The following DYNC1I1 variants were observed in gnomAD, a reference collection of about 807,000 sequenced individuals.
The protein encoded by DYNC1I1 is dynein cytoplasmic 1 intermediate chain 1, also known as cytoplasmic dynein 1 intermediate chain 1.
A neutral mutation model predicts 86.6 loss-of-function variants in DYNC1I1; 43 were observed. The observed-to-expected ratio is 0.50, with a 90% CI of 0.39 to 0.64. The LOEUF is 0.64. Among genes scored for constraint, DYNC1I1 ranks in the 30% least tolerant of loss-of-function variants. The pLI, the probability that DYNC1I1 is intolerant of heterozygous loss-of-function variation, is 0.00. For missense variants in DYNC1I1, 604 were observed against 788.8 expected, an observed-to-expected ratio of 0.77 and a Z score of 2.81; for synonymous variants, 262 against 283.7, an observed-to-expected ratio of 0.92 and a Z score of 0.77.
intron 1 of DYNC1I1, among the ~76,000 whole-genome samples, chr7:95,785,237 C>A (rs181306565): frequency 1.2e-4 from 18 of 152,140 alleles, no homozygotes; most frequent in Admixed American, 5.9e-4. Context: ...CATGGTAAAA[C>A]CCCGTCTCTA....
At chr7:95,928,263 C>G (rs1303455044) in intron 6 of DYNC1I1, among the ~76,000 whole-genome samples, 1 of 152,166 alleles carries the variant, frequency 6.6e-6, no homozygotes, top group Non-Finnish European at 1.5e-5. Context: ...AGGCCAAGTC[C>G]TCATTTCTGG....
chr7:95,777,787 G>A (rs1008804922), intron 1 of DYNC1I1, among the ~76,000 whole-genome samples: 1 of 152,128 alleles, frequency 6.6e-6, no homozygotes, highest in African/African-American at 2.4e-5. Flanking sequence ...CAACAGACCT[G>A]CCTGGTAACC....
intron 6 of DYNC1I1, among the ~76,000 whole-genome samples, chr7:95,880,543 G>C (rs1790426102): frequency 6.6e-6 from 1 of 151,980 alleles, no homozygotes; most frequent in African/African-American, 2.4e-5. Flanking sequence ...ATGCCTGTCA[G>C]GTCCAGCCTT....
At chr7:96,045,377 G>A (rs1158508659) in intron 14 of DYNC1I1, among the ~76,000 whole-genome samples, 1 of 152,164 alleles carries the variant, frequency 6.6e-6, no homozygotes, top group Non-Finnish European at 1.5e-5. Flanking sequence ...AGGTCAAGGT[G>A]CTGGTGTGTT....
chr7:95,787,406 G>A (rs868575106), intron 1 of DYNC1I1, among the ~76,000 whole-genome samples: 1 of 152,158 alleles, frequency 6.6e-6, no homozygotes, highest in African/African-American at 2.4e-5. Context: ...CAAAAGGACT[G>A]GGAAGGGAGG....
intron 15 of DYNC1I1, among the ~76,000 whole-genome samples, chr7:96,077,239 T>TGTGTGTG (rs1790368032): frequency 6.9e-6 from 1 of 144,434 alleles, no homozygotes; most frequent in East Asian, 2.0e-4. Flanking sequence ...TCCCTAGTAT[T>TGTGTGTG]TGTGTGTGTG....
At chr7:95,828,544 G>T (rs1396216320) in intron 5 of DYNC1I1, among the ~76,000 whole-genome samples, 1 of 151,802 alleles carries the variant, frequency 6.6e-6, no homozygotes, top group African/African-American at 2.4e-5. Context: ...TTTCTTTTCA[G>T]TTTTTGGGGA....
chr7:95,874,556 A>G (rs1562929945), intron 6 of DYNC1I1, among the ~76,000 whole-genome samples: 1 of 152,194 alleles, frequency 6.6e-6, no homozygotes, highest in Non-Finnish European at 1.5e-5. Context: ...TAATACGACT[A>G]TGTTTGTAAA....
intron 9 of DYNC1I1, among the ~76,000 whole-genome samples, chr7:95,993,202 A>G (rs999475599): frequency 6.6e-6 from 1 of 152,234 alleles, no homozygotes; most frequent in African/African-American, 2.4e-5. Context: ...TGAAATCCCA[A>G]AAACTTGCGT....
intron 14 of DYNC1I1, among the ~76,000 whole-genome samples, chr7:96,049,972 G>A (rs2116099278): frequency 6.6e-6 from 1 of 151,408 alleles, no homozygotes; most frequent in East Asian, 1.9e-4. Context: ...GGCACAGGTT[G>A]CAGTGAGCCG....
chr7:95,862,565 G>T (rs537731530), intron 5 of DYNC1I1, among the ~76,000 whole-genome samples: 11 of 152,306 alleles, frequency 7.2e-5, no homozygotes, highest in African/African-American at 2.2e-4. Flanking sequence ...AGTTGAGGAG[G>T]TTGTAAAGCA....
rs150279406 is a variant in DYNC1I1 at position 95,958,133 on chromosome 7, A to G, written c.491-19379A>G. Among the ~76,000 whole-genome samples the G allele has an allele frequency of 2.8e-3, 421 of 152,360 alleles. 2 individuals carry two copies. The Middle Eastern group carries it at 0.051, about 18-fold the overall frequency. ...GCAACCACCTACAGATGTGACAACC[A>G]GAACATCTCCAGATTGAACATTGCC... is the stretch of plus-strand genomic sequence containing the variant. On this transcript the variant is annotated intron_variant, in intron 6 of 16. Transcript: ENST00000447467.
chr7:95,966,858 G>C (rs1166565648), intron 6 of DYNC1I1, among the ~76,000 whole-genome samples: 2 of 152,216 alleles, frequency 1.3e-5, no homozygotes, highest in Non-Finnish European at 2.9e-5. Flanking sequence ...AAAGGACCGT[G>C]AACCTCATAG....
At chr7:95,914,291 A>C (rs1791412799) in intron 6 of DYNC1I1, among the ~76,000 whole-genome samples, 1 of 152,198 alleles carries the variant, frequency 6.6e-6, no homozygotes, top group Non-Finnish European at 1.5e-5. Flanking sequence ...ATTTCCCCTC[A>C]TTAGAACATT....
At chr7:96,094,664 G>A (rs1790950461) in intron 16 of DYNC1I1, among the ~76,000 whole-genome samples, 1 of 152,178 alleles carries the variant, frequency 6.6e-6, no homozygotes, top group Non-Finnish European at 1.5e-5. Flanking sequence ...GATACTTAAA[G>A]TACTTCCTGA....
Position 95,824,283 on chromosome 7 carries a change from G to A in DYNC1I1, c.315-3774G>A, listed in dbSNP as rs538578245. On this transcript the variant is annotated intron_variant, in intron 4 of 16. Coordinates refer to ENST00000447467, the MANE Select transcript of DYNC1I1 (RefSeq NM_001135556.2). The stretch of plus-strand genomic sequence containing the variant: ...GCTGGGCTTACAGGCATGAGTTACC[G>A]TGCCAGGCCTATTGGTATAGGTTTT... 1.4e-4 allele frequency among the ~76,000 whole-genome samples: 21 copies of A among 151,982 alleles called. No individual in the cohort carries two copies. The South Asian group carries it at 3.5e-3, about 26-fold the overall frequency.
At chr7:96,088,676 T>G (rs1445809430) in intron 16 of DYNC1I1, among the ~76,000 whole-genome samples, 3 of 152,018 alleles carry the variant, frequency 2.0e-5, no homozygotes, top group Non-Finnish European at 4.4e-5. Context: ...CAGAATGGAG[T>G]TGTTTCTTAC....
chr7:95,792,296 C>T (rs188380813), intron 1 of DYNC1I1, among the ~76,000 whole-genome samples: 28 of 152,166 alleles, frequency 1.8e-4, no homozygotes, highest in African/African-American at 5.5e-4. Context: ...GACATGGTAC[C>T]CCAAAATAAG....
chr7:96,075,643 G>A (rs1318225005), intron 14 of DYNC1I1, among the ~76,000 whole-genome samples: 1 of 152,180 alleles, frequency 6.6e-6, no homozygotes, highest in Non-Finnish European at 1.5e-5. Context: ...GAAAGGGTTC[G>A]GGGCGGTCGG....
Sources: gnomAD v4.1 joint callset for allele counts (sites outside exome capture counted in the v4.1 genomes callset) on GRCh38, gnomAD v4.1.1 for gene constraint, MANE v1.5 for transcripts, NCBI Gene and HGNC (gene_info 2026-07-23, HGNC 2026-07-21) for gene names.